The following CLCA2 variants were observed in gnomAD, a reference collection of about 807,000 sequenced individuals.
The protein encoded by CLCA2 is calcium-activated chloride channel regulator 2.
A neutral mutation model predicts 82.9 loss-of-function variants in CLCA2; 85 were observed. That is an observed-to-expected ratio of 1.03 (90% CI 0.86 to 1.23). CLCA2 has a LOEUF of 1.23. CLCA2 is among the 50% of genes most tolerant of loss of function. The probability of loss-of-function intolerance (pLI) is 0.00; values close to 1 mark genes in which losing one functional copy is unlikely to be tolerated. For missense variants in CLCA2, 1,089 were observed against 1,124.8 expected (o/e 0.97, Z 0.45); for synonymous variants, 421 against 391.7 (o/e 1.07, Z -0.88).
chr1:86,450,880 G>GT, intron 12 of CLCA2, 147 bp downstream of exon 12: 1 of 657,276 alleles, frequency 1.5e-6, no homozygotes, highest in Non-Finnish European at 2.3e-6. Flanking sequence ...TTTGTTGACT[G>GT]TTTCTTCAAT....
intron 11 of CLCA2, among the ~76,000 whole-genome samples, chr1:86,449,770 T>C (rs990096005): frequency 9.8e-5 from 15 of 152,324 alleles, no homozygotes; most frequent in Middle Eastern, 6.8e-3. Flanking sequence ...TGGCCACCTG[T>C]ACTTGAATGG....
intron 11 of CLCA2, among the ~76,000 whole-genome samples, chr1:86,449,221 C>CT (rs1216691826): frequency 3.3e-5 from 5 of 152,228 alleles, no homozygotes; most frequent in African/African-American, 1.2e-4. Context: ...TTAAAATGTA[C>CT]TTTTTCATGC....
intron 3 of CLCA2, 64 bp from the exon 4 acceptor site, chr1:86,430,798 C>G: frequency 2.6e-6 from 3 of 1,175,544 alleles, no homozygotes; most frequent in East Asian, 2.3e-5. Flanking sequence ...TACGTCTTCA[C>G]TAGTTAGCAA....
chr1:86,447,779 G>A lies in CLCA2; in HGVS notation c.1984+1G>A, dbSNP rs1570266334. The A allele has an allele frequency of 6.2e-7, 1 of 1,610,238 alleles. No individual in the cohort carries two copies. The highest frequency in any genetic ancestry group is 1.3e-5 in the African/African-American group (1 of 74,894). ...CTGAGACTCCTTGATGATGGAGCAG[G>A]TAACAAGGAATGTCATGACATTTTA... On this transcript the variant is annotated splice_donor_variant, in intron 11 of 13. Coordinates refer to ENST00000370565, the MANE Select transcript of CLCA2 (RefSeq NM_006536.7). LOFTEE classifies it high-confidence loss of function.
Position 86,438,946 on chromosome 1 carries a change from T to G in CLCA2, c.1043T>G (p.Phe348Cys). 7 of 1,614,148 alleles carry G rather than the reference T, an allele frequency of 4.3e-6. No homozygotes were observed. The highest frequency in any genetic ancestry group is 5.9e-6 in the Non-Finnish European group (7 of 1,180,002). Residue 348 changes from phenylalanine to cysteine, a missense_variant, in exon 7 of 14, where the codon TTC becomes TGC. By Grantham distance (205) the Phe-to-Cys change is radical. Transcript: ENST00000370565. ...YLMQIVEIHTFVGIASFDSKG... is the reference protein window; with the variant it reads ...YLMQIVEIHTCVGIASFDSKG... ...ATGCAGATTGTTGAAATTCATACCT[T>G]CGTGGGCATTGCCAGTTTCGACAGC...
At chr1:86,426,271 T>C (rs1253245285) in intron 2 of CLCA2, among the ~76,000 whole-genome samples, 1 of 152,154 alleles carries the variant, frequency 6.6e-6, no homozygotes, top group Non-Finnish European at 1.5e-5. Context: ...GTTTCAGCAA[T>C]GGAGTGGGTT....
chr1:86,430,639 A>C (rs2101692109), intron 3 of CLCA2, among the ~76,000 whole-genome samples: 1 of 152,294 alleles, frequency 6.6e-6, no homozygotes, highest in East Asian at 1.9e-4. Context: ...CATTTACAAG[A>C]CCAAACATAT....
intron 11 of CLCA2, among the ~76,000 whole-genome samples, chr1:86,449,557 T>C (rs909493797): frequency 3.9e-5 from 6 of 152,396 alleles, no homozygotes; most frequent in South Asian, 2.1e-4. Context: ...TAAATCTATC[T>C]TGATAATAAA....
intron 10 of CLCA2, 95 bp from the exon 11 acceptor site, chr1:86,447,413 C>A: frequency 7.3e-7 from 1 of 1,365,522 alleles, no homozygotes; most frequent in Non-Finnish European, 1.0e-6. Flanking sequence ...ATCAACAAAA[C>A]AAGAGCAAAA....
In CLCA2 at chr1:86,440,208, G is replaced by T; in HGVS notation, c.1264G>T (p.Asp422Tyr). Reference protein sequence around the residue: ...GSVMILVTSGDDKLLGNCLPT... With the variant: ...GSVMILVTSGYDKLLGNCLPT... ...TGTGATGATATTAGTGACCAGCGGA[G>T]ATGATAAGCTTCTTGGCAATTGCTT... is the stretch of plus-strand genomic sequence containing the variant. Residue 422 changes from aspartate (D) to tyrosine (Y), a missense_variant, in exon 8 of 14, where the codon GAT becomes TAT. Physicochemically the swap from Asp to Tyr is radical, Grantham distance 160. Transcript: ENST00000370565. 1 of 1,614,162 alleles carries T rather than the reference G, an allele frequency of 6.2e-7. No individual in the cohort carries two copies. The highest frequency in any genetic ancestry group is 2.2e-5 in the East Asian group (1 of 44,870).
intron 4 of CLCA2, among the ~76,000 whole-genome samples, chr1:86,431,713 C>A (rs1472283342): frequency 1.3e-5 from 2 of 152,320 alleles, no homozygotes; most frequent in Non-Finnish European, 1.5e-5. Context: ...CTCAAAGGAG[C>A]ACTGACCCAG....
At chr1:86,429,910 C>A (rs1662460945) in intron 3 of CLCA2, among the ~76,000 whole-genome samples, 1 of 152,058 alleles carries the variant, frequency 6.6e-6, no homozygotes. Flanking sequence ...CCTTGAGATG[C>A]TGATAATCTC....
At chr1:86,428,599 G>T in intron 3 of CLCA2, 31 bp downstream of exon 3, 1 of 1,604,738 alleles carries the variant, frequency 6.2e-7, no homozygotes, top group Non-Finnish European at 8.5e-7. Flanking sequence ...AATAGCCATT[G>T]GACAATACTA....
At chr1:86,441,345 A>G in intron 8 of CLCA2, 92 bp from the exon 9 acceptor site, 1 of 742,584 alleles carries the variant, frequency 1.3e-6, no homozygotes, top group Admixed American at 2.6e-5. Context: ...AAACACTCTA[A>G]TGCAAAGAAA....
chr1:86,430,290 G>A (rs1662469068), intron 3 of CLCA2, among the ~76,000 whole-genome samples: 1 of 152,004 alleles, frequency 6.6e-6, no homozygotes, highest in African/African-American at 2.4e-5. Context: ...GGAGAATAAG[G>A]GATAAAATAA....
At position 86,440,138 on chromosome 1, in the gene CLCA2, C is replaced by CT. The variant is rs1558110739; in HGVS notation, c.1204-9dup. On this transcript the variant is annotated splice_polypyrimidine_tract_variant and intron_variant, in intron 7 of 13. Transcript: ENST00000370565. Reference sequence around the variant, plus strand: ...CACTTCCTTCCAAGTGACTAATTCTCTATGTTCAGGTGGTTGAAAAACTGA... The same window carrying CT: ...CACTTCCTTCCAAGTGACTAATTCTCTTATGTTCAGGTGGTTGAAAAACTGA... 1 of 1,611,758 alleles carries CT rather than the reference C, an allele frequency of 6.2e-7. No homozygotes were observed. Among genetic ancestry groups the CT allele is most frequent in the Admixed American group, 1.7e-5 (1 of 59,552 alleles).
At chr1:86,451,784 TA>T (rs1662972765) in intron 12 of CLCA2, among the ~76,000 whole-genome samples, 1 of 152,092 alleles carries the variant, frequency 6.6e-6, no homozygotes, top group Non-Finnish European at 1.5e-5. Flanking sequence ...TTTCATCATC[TA>T]AAAAAATAAG....
chr1:86,440,238 A>C lies in CLCA2; in HGVS notation c.1294A>C (p.Thr432Pro), dbSNP rs1558110977. Residue 432 changes from threonine (T) to proline (P), a missense_variant, in exon 8 of 14, where the codon ACT (threonine) becomes CCT (proline). By Grantham distance (38) the Thr-to-Pro change is conservative. Coordinates refer to ENST00000370565, the MANE Select transcript of CLCA2 (RefSeq NM_006536.7). ...DDKLLGNCLPTVLSSGSTIHS... is the reference protein window; with the variant it reads ...DDKLLGNCLPPVLSSGSTIHS... ...TAAGCTTCTTGGCAATTGCTTACCCACTGTGCTCAGCAGTGGTTCAACAAT... is the reference window on the plus strand; with the variant it reads ...TAAGCTTCTTGGCAATTGCTTACCCCCTGTGCTCAGCAGTGGTTCAACAAT... The C allele has an allele frequency of 6.2e-7, 1 of 1,613,966 alleles. No homozygotes were observed. Among genetic ancestry groups the C allele is most frequent in the African/African-American group, 1.3e-5 (1 of 74,912 alleles).
rs202107894 is a variant in CLCA2, at chr1:86,440,331, A to T, written c.1381+6A>T. The T allele has an allele frequency of 1.4e-4, 225 of 1,609,002 alleles. No individual in the cohort carries two copies. The highest frequency in any genetic ancestry group is 1.8e-4 in the Non-Finnish European group (211 of 1,177,654). ...GGAATTATCACGTCTTACAGGTAAT[A>T]AACTTTTAAAAACTTATCTTTTGGA... On this transcript the variant is annotated splice_donor_region_variant and intron_variant, in intron 8 of 13. Transcript: ENST00000370565.
Sources: gnomAD v4.1 joint callset for allele counts (sites outside exome capture counted in the v4.1 genomes callset) on GRCh38, gnomAD v4.1.1 for gene constraint, MANE v1.5 for transcripts, NCBI Gene and HGNC (gene_info 2026-07-23, HGNC 2026-07-21) for gene names.